Variants in PEX14 observed in about 807,000 individuals in gnomAD.
PEX14 encodes peroxisomal membrane protein PEX14.
PEX14 carries 15 observed loss-of-function variants against 49.5 expected under a neutral mutation model. The ratio of observed to expected loss-of-function variants is 0.30; its 90% CI spans 0.20 to 0.47. The LOEUF (loss-of-function observed/expected upper bound fraction) is 0.47. Ranked by LOEUF, PEX14 falls within the 20% of genes least tolerant of loss-of-function variation. The pLI, the probability that PEX14 is intolerant of heterozygous loss-of-function variation, is 1.00. For missense variants in PEX14, 398 were observed against 494.8 expected (o/e 0.80, Z 1.86); for synonymous variants, 210 against 212.7 (o/e 0.99, Z 0.11).
At chr1:10,572,953 C>CT (rs1297301464) in intron 3 of PEX14, among the ~76,000 whole-genome samples, 1 of 152,168 alleles carries the variant, frequency 6.6e-6, no homozygotes, top group Non-Finnish European at 1.5e-5. Flanking sequence ...CAGGTATAGC[C>CT]TATTGCTCCC....
intron 3 of PEX14, among the ~76,000 whole-genome samples, chr1:10,543,563 A>G (rs920198083): frequency 6.6e-6 from 1 of 152,192 alleles, no homozygotes; most frequent in African/African-American, 2.4e-5. Flanking sequence ...GTGTGAGGAA[A>G]AAGAAGGGAA....
chr1:10,620,775 G>A (rs926707841), intron 5 of PEX14, among the ~76,000 whole-genome samples: 2 of 152,196 alleles, frequency 1.3e-5, no homozygotes, highest in Non-Finnish European at 2.9e-5. Flanking sequence ...CTCCAGCGTG[G>A]GTGAAAGAGC....
chr1:10,520,943 C>T (rs1024030464), intron 2 of PEX14, among the ~76,000 whole-genome samples: 5 of 148,932 alleles, frequency 3.4e-5, no homozygotes, highest in African/African-American at 1.2e-4. Context: ...AAAGCTTTAT[C>T]TTCTCTTTTT....
intron 3 of PEX14, among the ~76,000 whole-genome samples, chr1:10,577,576 T>A (rs1410954801): frequency 0.052 from 512 of 9,924 alleles, 41 homozygotes; most frequent in Non-Finnish European, 0.073. Context: ...TTTTTTTTTT[T>A]TTTTTTTTTT....
chr1:10,546,316 A>C (rs1009914499), intron 3 of PEX14, among the ~76,000 whole-genome samples: 3 of 152,200 alleles, frequency 2.0e-5, no homozygotes, highest in Non-Finnish European at 4.4e-5. Flanking sequence ...CTGTAATCCC[A>C]GCACTTTGGG....
At chr1:10,528,218 CCTTT>C (rs1638548181) in intron 2 of PEX14, 2 of 545,522 alleles carry the variant, frequency 3.7e-6, no homozygotes, top group Non-Finnish European at 4.7e-6. Context: ...CATGACACAA[CCTTT>C]CTTCGTCTCC....
chr1:10,489,630 A>G (rs560148234), intron 1 of PEX14, among the ~76,000 whole-genome samples: 1 of 152,346 alleles, frequency 6.6e-6, no homozygotes, highest in African/African-American at 2.4e-5. Flanking sequence ...AGTATTCAGC[A>G]GAGACCTGAG....
rs191238857 is a variant in PEX14, at chr1:10,494,367, A to G, written c.37-907A>G. 6.6e-6 allele frequency among the ~76,000 whole-genome samples: 1 copy of G among 152,264 alleles called. No homozygotes were observed. Among genetic ancestry groups the G allele is most frequent in the African/African-American group, 2.4e-5 (1 of 41,478 alleles). On this transcript the variant is annotated intron_variant, in intron 1 of 8. Coordinates refer to ENST00000356607, the MANE Select transcript of PEX14 (RefSeq NM_004565.3). The surrounding 1 kb of genome is among the most constrained non-coding windows in gnomAD (Gnocchi z 4.3). ...CAGATTTTGCTGCACTTGTCTGGAT[A>G]TTAACTGTAGATAGATGGCAATTGG...
At chr1:10,564,319 A>G (rs1020251410) in intron 3 of PEX14, among the ~76,000 whole-genome samples, 5 of 150,826 alleles carry the variant, frequency 3.3e-5, no homozygotes, top group African/African-American at 1.2e-4. Flanking sequence ...TTCTTTACTG[A>G]TCTTTCAGTT....
At chr1:10,499,147 C>T (rs1196029719) in intron 2 of PEX14, among the ~76,000 whole-genome samples, 1 of 152,218 alleles carries the variant, frequency 6.6e-6, no homozygotes, top group Non-Finnish European at 1.5e-5. Context: ...TCCATTTAGT[C>T]ATATGATTTT....
chr1:10,481,507 T>C lies in PEX14; in HGVS notation c.36+6505T>C, dbSNP rs569551274. Among the ~76,000 whole-genome samples, 29 of 152,238 alleles carry C rather than the reference T, an allele frequency of 1.9e-4. No individual in the cohort carries two copies. In the South Asian group the frequency reaches 5.8e-3, roughly 30 times the overall value. On this transcript the variant is annotated intron_variant, in intron 1 of 8. Coordinates refer to ENST00000356607, the MANE Select transcript of PEX14 (RefSeq NM_004565.3). ...CCCAGTCTGGAGTGGAGAGGTGTTA[T>C]CACAGCTCACTGTAGCCTTGACCTC...
chr1:10,545,023 A>G (rs1329648068), intron 3 of PEX14, among the ~76,000 whole-genome samples: 5 of 152,188 alleles, frequency 3.3e-5, no homozygotes, highest in Non-Finnish European at 5.9e-5. Context: ...TTGGCCTCCC[A>G]AAGTGCTGGG....
At chr1:10,601,840 G>A (rs1640993208) in intron 4 of PEX14, among the ~76,000 whole-genome samples, 1 of 152,218 alleles carries the variant, frequency 6.6e-6, no homozygotes, top group African/African-American at 2.4e-5. Flanking sequence ...CCTGGGCCCA[G>A]CCGTGTAATG....
At position 10,557,095 on chromosome 1, in the gene PEX14, G is replaced by A. The variant is rs1221958085; in HGVS notation, c.169+20798G>A. Among the ~76,000 whole-genome samples, 4 of 151,982 alleles carry A rather than the reference G, an allele frequency of 2.6e-5. No individual in the cohort carries two copies. The East Asian group carries it at 7.7e-4, about 29-fold the overall frequency. On this transcript the variant is annotated intron_variant, in intron 3 of 8. Transcript: ENST00000356607. Reference sequence around the variant, plus strand: ...TTTCCCTGCTTGATACTAGGTCTTGGATGTAACTGGTATCCATCAATACAG... The same window carrying A: ...TTTCCCTGCTTGATACTAGGTCTTGAATGTAACTGGTATCCATCAATACAG...
intron 3 of PEX14, among the ~76,000 whole-genome samples, chr1:10,569,677 C>T (rs946505614): frequency 6.6e-6 from 1 of 152,158 alleles, no homozygotes; most frequent in Admixed American, 6.6e-5. Context: ...TATCTGAAAA[C>T]ATCTTTAATG....
At chr1:10,553,444 G>T (rs1385765954) in intron 3 of PEX14, among the ~76,000 whole-genome samples, 1 of 152,224 alleles carries the variant, frequency 6.6e-6, no homozygotes, top group South Asian at 2.1e-4. Flanking sequence ...AGGCAGTGGC[G>T]CTGGCTTCTG....
chr1:10,622,610 C>T (rs555607410), intron 5 of PEX14, among the ~76,000 whole-genome samples: 2 of 152,300 alleles, frequency 1.3e-5, no homozygotes, highest in African/African-American at 2.4e-5. Context: ...AGAGCTGCCC[C>T]GCCTCCCTCG....
At chr1:10,513,986 G>A (rs902062074) in intron 2 of PEX14, among the ~76,000 whole-genome samples, 13 of 152,232 alleles carry the variant, frequency 8.5e-5, no homozygotes, top group Admixed American at 2.0e-4. Context: ...CCCACAGCGC[G>A]TTTATATCCT....
At chr1:10,532,568 C>T (rs147251029) in intron 2 of PEX14, among the ~76,000 whole-genome samples, 42 of 152,296 alleles carry the variant, frequency 2.8e-4, no homozygotes, top group African/African-American at 8.7e-4. Flanking sequence ...GCAGCTTCGA[C>T]GGCGGCATCA....
Sources: allele counts gnomAD v4.1 joint callset (sites outside exome capture counted in the v4.1 genomes callset), GRCh38; gene constraint gnomAD v4.1.1; non-coding constraint Gnocchi (gnomAD v3.1); transcripts MANE v1.5; gene names NCBI Gene and HGNC (gene_info 2026-07-23, HGNC 2026-07-21).